ABCB4: variants seen among roughly 807,000 people sequenced by gnomAD.
ABCB4 encodes the protein ATP binding cassette subfamily B member 4, also known as phosphatidylcholine translocator ABCB4.
ABCB4 carries 76 observed loss-of-function variants against 145.7 expected under a neutral mutation model. The ratio of observed to expected loss-of-function variants is 0.52; its 90% CI spans 0.43 to 0.63. The LOEUF is 0.63. Ranked by LOEUF, ABCB4 falls within the 30% of genes least tolerant of loss-of-function variation. The probability of loss-of-function intolerance (pLI) is 0.00; values close to 1 mark genes in which losing one functional copy is unlikely to be tolerated. For missense variants in ABCB4, 1,234 were observed against 1,553.1 expected (o/e 0.79, Z 3.45); for synonymous variants, 517 against 566.8 (o/e 0.91, Z 1.25).
At chr7:87,461,164 C>T (rs45590633) in intron 4 of ABCB4, among the ~76,000 whole-genome samples, 20,582 of 152,072 alleles carry the variant, frequency 0.14, 1,429 homozygotes, top group East Asian at 0.2. Context: ...AGGCTGGTCT[C>T]GAACTCCCAA....
the ABCB4 span, chr7:87,369,407 A>C: frequency 5.6e-6 from 9 of 1,612,958 alleles, no homozygotes; most frequent in Non-Finnish European, 7.6e-6. Context: ...ACCACATTGT[A>C]GTGCTGTGTC....
Position 87,431,386 on chromosome 7 carries a change from T to A in ABCB4, c.1893+18A>T, listed in dbSNP as rs1198436276. On this transcript the variant is annotated intron_variant, in intron 15 of 27. Coordinates refer to ENST00000649586, the MANE Select transcript of ABCB4 (RefSeq NM_000443.4). ...ATTGAGGAGCAAATAGCAGAAAAAA[T>A]TCCTGAAAAGCAAGTACCTGCATGT... 1.1e-5 allele frequency: 17 copies of A among 1,613,838 alleles called. No individual in the cohort carries two copies. The Admixed American group carries it at 2.0e-4, about 19-fold the overall frequency.
At chr7:87,373,930 G>A in the ABCB4 span, among the ~76,000 whole-genome samples, 2 of 152,050 alleles carry the variant, frequency 1.3e-5, no homozygotes, top group African/African-American at 2.4e-5. Flanking sequence ...TCATACCTGA[G>A]TGTCAAACAT....
At chr7:87,468,901 G>A (rs983540100) in intron 3 of ABCB4, among the ~76,000 whole-genome samples, 20 of 106,380 alleles carry the variant, frequency 1.9e-4, no homozygotes, top group Admixed American at 5.2e-4. Context: ...ACTACAGTCC[G>A]GCCTGGGCGA....
At chr7:87,422,284 T>C (rs1202115311) in intron 17 of ABCB4, 59 bp from the exon 18 acceptor site, 8 of 1,312,986 alleles carry the variant, frequency 6.1e-6, no homozygotes, top group African/African-American at 1.5e-5. Flanking sequence ...TCTTCATTCC[T>C]CTCATAAATA....
chr7:87,381,708 C>T, the ABCB4 span, among the ~76,000 whole-genome samples: 1 of 152,116 alleles, frequency 6.6e-6, no homozygotes, highest in East Asian at 1.9e-4. Flanking sequence ...CAAATTTAAA[C>T]AACTTTTTTT....
intron 25 of ABCB4, 63 bp downstream of exon 25, chr7:87,407,974 G>A (rs1036411641): frequency 8.8e-6 from 14 of 1,595,212 alleles, no homozygotes; most frequent in Non-Finnish European, 1.2e-5. Flanking sequence ...TTTCCATTAT[G>A]ACAATATTGG....
At chr7:87,415,966 A>G (rs922666990) in intron 21 of ABCB4, among the ~76,000 whole-genome samples, 20 of 152,190 alleles carry the variant, frequency 1.3e-4, no homozygotes, top group Admixed American at 9.8e-4. Context: ...GTGTTTCTTC[A>G]GCAGTTAGTT....
intron 23 of ABCB4, 24 bp downstream of exon 23, chr7:87,411,869 C>T (rs8187805): frequency 9.3e-6 from 15 of 1,606,972 alleles, no homozygotes; most frequent in Non-Finnish European, 8.5e-7. Context: ...ATAGAATAAT[C>T]TTAATATTTC....
chr7:87,453,869 CA>C (rs1811931177), intron 5 of ABCB4, among the ~76,000 whole-genome samples: 3 of 152,034 alleles, frequency 2.0e-5, no homozygotes, highest in Admixed American at 6.6e-5. Context: ...TCGCCCTTTC[CA>C]TATTGATTTT....
In ABCB4 at chr7:87,450,075, A is replaced by C. The variant is rs370033949; in HGVS notation, c.726T>G (p.Ser242Arg). Residue 242 changes from serine (S) to arginine (R), a missense_variant, in exon 8 of 28, where the codon AGT becomes AGG. Ser to Arg is a moderately radical substitution (Grantham distance 110, BLOSUM62 -1). Around this residue, in one of 7 missense-constraint regions of ABCB4, gnomAD observed 467 missense variants for 632.8 expected, o/e 0.74. Coordinates refer to ENST00000649586, the MANE Select transcript of ABCB4 (RefSeq NM_000443.4). ...AVWAKILSAF[S>R]DKELAAYAKA... ...TTGCATAAGCAGCTAGTTCTTTGTC[A>C]CTAAATGCCGAGAGTATCTGGACAG... The C allele has an allele frequency of 2.5e-6, 4 of 1,613,976 alleles. No homozygotes were observed. The highest frequency in any genetic ancestry group is 3.4e-6 in the Non-Finnish European group (4 of 1,180,000).
chr7:87,436,069 G>A (rs1030290047), intron 14 of ABCB4, among the ~76,000 whole-genome samples: 1 of 152,220 alleles, frequency 6.6e-6, no homozygotes, highest in African/African-American at 2.4e-5. Flanking sequence ...TCTCTAGACA[G>A]ACTATAGGAG....
At chr7:87,451,592 A>C (rs779469878) in intron 7 of ABCB4, 31 bp downstream of exon 7, 1 of 1,612,662 alleles carries the variant, frequency 6.2e-7, no homozygotes, top group Non-Finnish European at 8.5e-7. Flanking sequence ...GCAGGGGTTA[A>C]CACACATAAA....
intron 21 of ABCB4, 134 bp downstream of exon 21, chr7:87,417,178 C>T: frequency 3.6e-6 from 3 of 828,066 alleles, no homozygotes; most frequent in Admixed American, 2.3e-5. Flanking sequence ...ATATTTCATA[C>T]ACAATTGACA....
chr7:87,468,515 T>A (rs1396631476), intron 3 of ABCB4, among the ~76,000 whole-genome samples: 9 of 152,054 alleles, frequency 5.9e-5, no homozygotes, highest in Admixed American at 2.0e-4. Context: ...AAAGAGGGAA[T>A]CCTCCCTAAC....
chr7:87,402,047 A>G lies in ABCB4; in HGVS notation c.*49T>C. ...GAAACTTATTTTACAAGTCAGATAA[A>G]ATGGTAGAATAATTTGAATTTATTT... On this transcript the variant is annotated 3_prime_UTR_variant, in exon 28 of 28. Coordinates refer to ENST00000649586, the MANE Select transcript of ABCB4 (RefSeq NM_000443.4). The G allele has an allele frequency of 6.2e-7, 1 of 1,601,312 alleles. No homozygotes were observed. The highest frequency in any genetic ancestry group is 2.3e-5 in the East Asian group (1 of 44,212).
At position 87,450,088 on chromosome 7, in the gene ABCB4, A is replaced by T. The variant is rs1374564047; in HGVS notation, c.713T>A (p.Leu238His). The T allele has an allele frequency of 1.9e-6, 3 of 1,614,120 alleles. No individual in the cohort carries two copies. The highest frequency in any genetic ancestry group is 2.5e-6 in the Non-Finnish European group (3 of 1,179,988). Residue 238 changes from leucine to histidine, a missense_variant, in exon 8 of 28, where the codon CTC becomes CAC. By Grantham distance (99) the Leu-to-His change is moderately conservative. Coordinates refer to ENST00000649586, the MANE Select transcript of ABCB4 (RefSeq NM_000443.4). The part of the protein sequence containing the change: ...GLSAAVWAKI[L>H]SAFSDKELAA... ...TAGTTCTTTGTCACTAAATGCCGAGAGTATCTGGACAGAAAAGAAACAGTG... is the reference window on the plus strand; with the variant it reads ...TAGTTCTTTGTCACTAAATGCCGAGTGTATCTGGACAGAAAAGAAACAGTG...
chr7:87,459,129 C>A (rs903425081), intron 4 of ABCB4, among the ~76,000 whole-genome samples: 1 of 152,140 alleles, frequency 6.6e-6, no homozygotes, highest in East Asian at 1.9e-4. Flanking sequence ...TTTAATCTGA[C>A]TTTAAAAATT....
At chr7:87,415,469 A>G (rs1054416379) in intron 21 of ABCB4, among the ~76,000 whole-genome samples, 1 of 152,002 alleles carries the variant, frequency 6.6e-6, no homozygotes, top group Non-Finnish European at 1.5e-5. Context: ...TTAATCTTTC[A>G]TATTTAAAAT....
Sources: allele counts gnomAD v4.1 joint callset (sites outside exome capture counted in the v4.1 genomes callset), GRCh38; gene constraint gnomAD v4.1.1; regional missense constraint gnomAD v4.1.1; transcripts MANE v1.5; gene names NCBI Gene and HGNC (gene_info 2026-07-23, HGNC 2026-07-21).